Variants in USP9X observed in about 807,000 individuals in gnomAD.
The protein encoded by USP9X is ubiquitin specific peptidase 9 X-linked.
Under a neutral mutation model 190.3 loss-of-function variants are expected in USP9X, and 7 were observed. The ratio of observed to expected loss-of-function variants is 0.04; its 90% confidence interval spans 0.02 to 0.07. USP9X has a LOEUF of 0.07. Among genes scored for constraint, USP9X ranks in the 10% least tolerant of loss-of-function variants. USP9X has a pLI of 1.00. For synonymous variants in USP9X, 645 were observed against 659.5 expected (o/e 0.98, Z 0.34); for missense variants, 1,010 against 1,916.9 (o/e 0.53, Z 8.83).
intron 6 of USP9X, among the ~76,000 whole-genome samples, chrX:41,138,092 T>A (rs1024484224): frequency 4.5e-5 from 5 of 111,441 alleles, no homozygotes; most frequent in Non-Finnish European, 9.4e-5. Context: ...GTACAATTTT[T>A]AAAAATATAG....
At chrX:41,125,684 A>ACACACACACACACTCTCTCTCTCTCTCT in intron 2 of USP9X, among the ~76,000 whole-genome samples, 3 of 19,023 alleles carry the variant, frequency 1.6e-4, no homozygotes, top group African/African-American at 2.2e-4. Flanking sequence ...ACACACACAC[A>ACACACACACACACTCTCTCTCTCTCTCT]CTCTCTCTCT....
At chrX:41,178,603 C>G (rs1288975870) in intron 21 of USP9X, among the ~76,000 whole-genome samples, 8 of 111,888 alleles carry the variant, frequency 7.2e-5, no homozygotes, top group Non-Finnish European at 1.3e-4. Flanking sequence ...CTTATATATT[C>G]TGGATATTAA....
chrX:41,114,110 C>T (rs2062129269), intron 1 of USP9X, among the ~76,000 whole-genome samples: 1 of 112,627 alleles, frequency 8.9e-6, no homozygotes, highest in African/African-American at 3.2e-5. Context: ...CAGTTCATCT[C>T]TCCAGTAAAT....
At chrX:41,147,527 C>T (rs2062480218) in intron 11 of USP9X, among the ~76,000 whole-genome samples, 1 of 100,580 alleles carries the variant, frequency 9.9e-6, no homozygotes, top group Non-Finnish European at 2.0e-5. Context: ...GATCCCAGCT[C>T]ACTGCATCCT....
chrX:41,230,336 GTT>G (rs11348635), intron 43 of USP9X, among the ~76,000 whole-genome samples, 163 bp from the exon 44 acceptor site: 76 of 95,783 alleles, frequency 7.9e-4, no homozygotes, highest in African/African-American at 1.9e-3. Context: ...TTTTTGTTTT[GTT>G]TTTTTTTTTT....
rs191166249 is a variant in USP9X, at chrX:41,167,719, A to G, written c.2424+142A>G. 365 of 452,080 alleles carry G rather than the reference A, an allele frequency of 8.1e-4. 2 individuals are homozygous for G. Among genetic ancestry groups the G allele is most frequent in the Admixed American group, 1.6e-3 (33 of 20,438 alleles). 37.3% of individuals were successfully genotyped at this position (452,080 alleles called of 1,213,427 possible). ...TGATTGGGTTATTTTTAATATAACT[A>G]TTTATTAGATGTTGAAATGGCAAAG... On this transcript the variant is annotated intron_variant, in intron 17 of 44. Transcript: ENST00000378308.
At chrX:41,104,792 GAA>G (rs921387381) in intron 1 of USP9X, among the ~76,000 whole-genome samples, 1 of 106,228 alleles carries the variant, frequency 9.4e-6, no homozygotes, top group Admixed American at 1.0e-4. Flanking sequence ...TCTTGAGAGA[GAA>G]AAAAAAAAGA....
intron 38 of USP9X, among the ~76,000 whole-genome samples, chrX:41,219,956 G>A (rs2063246070): frequency 1.8e-5 from 2 of 112,139 alleles, no homozygotes; most frequent in Admixed American, 1.9e-4. Context: ...CTGCACTCCA[G>A]CCTGGGCAAC....
At chrX:41,177,869 A>G (rs999704395) in intron 21 of USP9X, among the ~76,000 whole-genome samples, 5 of 109,476 alleles carry the variant, frequency 4.6e-5, no homozygotes, top group South Asian at 3.9e-4. Context: ...TTGATGCTCA[A>G]TTGTCCTAGA....
intron 15 of USP9X, among the ~76,000 whole-genome samples, chrX:41,163,201 TATC>T (rs776228324): frequency 3.6e-5 from 4 of 111,415 alleles, no homozygotes; most frequent in Non-Finnish European, 5.6e-5. Context: ...GACTTAATGA[TATC>T]ATAGACACTA....
intron 38 of USP9X, among the ~76,000 whole-genome samples, chrX:41,222,013 A>G (rs1270993911): frequency 9.0e-6 from 1 of 111,361 alleles, no homozygotes; most frequent in African/African-American, 3.3e-5. Flanking sequence ...GGATAGTGGT[A>G]CCATTTACTG....
intron 21 of USP9X, among the ~76,000 whole-genome samples, chrX:41,174,216 G>A (rs1041982683): frequency 3.6e-5 from 4 of 111,694 alleles, no homozygotes; most frequent in Non-Finnish European, 5.6e-5. Context: ...TATGCAACAC[G>A]TGACTGTAAT....
At chrX:41,169,025 T>G (rs2062702129) in intron 18 of USP9X, among the ~76,000 whole-genome samples, 1 of 112,123 alleles carries the variant, frequency 8.9e-6, no homozygotes, top group Non-Finnish European at 1.9e-5. Context: ...TGAATTTTGA[T>G]ATGAAGGCTT....
intron 15 of USP9X, among the ~76,000 whole-genome samples, chrX:41,163,084 AC>A (rs1427531566): frequency 8.9e-6 from 1 of 112,159 alleles, no homozygotes; most frequent in African/African-American, 3.2e-5. Context: ...ACACATTTTA[AC>A]CTTTAGAATT....
At chrX:41,229,867 G>T in intron 43 of USP9X, 88 bp downstream of exon 43, 1 of 1,167,442 alleles carries the variant, frequency 8.6e-7, no homozygotes. Flanking sequence ...ATGTATTAAT[G>T]ATATTATTAA....
chrX:41,116,208 G>A lies in USP9X; in HGVS notation c.-158-7263G>A, dbSNP rs139931249. ...GAGAAAATTAAAGATGCTTCTGTTT[G>A]TGTAATAATTTTGTTTTTATGAAAT... On this transcript the variant is annotated intron_variant, in intron 1 of 44. Transcript: ENST00000378308. Among the ~76,000 whole-genome samples, 520 of 112,355 alleles carry A rather than the reference G, an allele frequency of 4.6e-3. 1 individual carries two copies. The highest frequency in any genetic ancestry group is 7.0e-3 in the Non-Finnish European group (372 of 53,273).
At chrX:41,170,651 T>C (rs1465140484) in intron 20 of USP9X, 32 bp downstream of exon 20, 1 of 1,177,844 alleles carries the variant, frequency 8.5e-7, no homozygotes, top group Non-Finnish European at 1.1e-6. Flanking sequence ...CTACTGTATG[T>C]AAGGCATCAT....
intron 33 of USP9X, among the ~76,000 whole-genome samples, chrX:41,212,677 C>T: frequency 9.0e-6 from 1 of 110,975 alleles, no homozygotes; most frequent in Non-Finnish European, 1.9e-5. Context: ...TCGTTTTTCA[C>T]CAAAATGTCA....
intron 1 of USP9X, among the ~76,000 whole-genome samples, chrX:41,106,641 C>T (rs1167138628): frequency 9.8e-6 from 1 of 101,827 alleles, no homozygotes; most frequent in African/African-American, 3.6e-5. Flanking sequence ...AGCACTTCTC[C>T]TGCCTCAACC....
Sources: allele counts gnomAD v4.1 joint callset (sites outside exome capture counted in the v4.1 genomes callset), GRCh38; gene constraint gnomAD v4.1.1; transcripts MANE v1.5; gene names NCBI Gene and HGNC (gene_info 2026-07-23, HGNC 2026-07-21).